IGSF3: variants seen among roughly 807,000 people sequenced by gnomAD.
The protein encoded by IGSF3 is immunoglobulin superfamily member 3, also known as glu-Trp-Ile EWI motif-containing protein 3.
IGSF3 carries 23 observed loss-of-function variants against 114.4 expected under a neutral mutation model. The observed-to-expected ratio is 0.20, with a 90% CI of 0.14 to 0.28. The LOEUF is 0.28. Among genes scored for constraint, IGSF3 ranks in the 10% least tolerant of loss-of-function variants. The pLI is 1.00. For missense variants in IGSF3, 1,172 were observed against 1,591.5 expected, an observed-to-expected ratio of 0.74 and a Z score of 4.48; for synonymous variants, 571 against 645.2, an observed-to-expected ratio of 0.88 and a Z score of 1.74.
Position 116,584,650 on chromosome 1 carries a change from C to G in IGSF3, c.2843G>C (p.Arg948Pro). The change falls in exon 9 of 11, where the codon CGA (arginine) becomes CCA (proline). Residue 948 changes from arginine to proline, a missense_variant. Arg to Pro is a moderately radical substitution (Grantham distance 103, BLOSUM62 -2). This residue lies in a region of IGSF3 where 423 missense variants were observed against 509.8 expected (regional missense o/e 0.83). Coordinates refer to ENST00000369486, the MANE Select transcript of IGSF3 (RefSeq NM_001007237.3). This position sits in a 1 kb window ranked among gnomAD's most constrained non-coding sequence, Gnocchi z 5.8. ...TAGQTALTVM[R>P]PDASLQVDTV... ...TTGGGGACGTGGACCCTCACCTGGT[C>G]GCATGACTGTCAGAGCTGTCTGCCC... 6.2e-7 allele frequency: 1 copy of G among 1,614,164 alleles called. No individual in the cohort carries two copies. Among genetic ancestry groups the G allele is most frequent in the Non-Finnish European group, 8.5e-7 (1 of 1,179,998 alleles).
chr1:116,610,699 C>T lies in IGSF3; in HGVS notation c.833-2368G>A, dbSNP rs2101479614. ...CCACTCTGTTCCACTCTCTCACCTG[C>T]TTCTCTGGTCACCTCTTACTGCTGC... On this transcript the variant is annotated intron_variant, in intron 4 of 10. Transcript: ENST00000369486. This position sits in a 1 kb window ranked among gnomAD's most constrained non-coding sequence, Gnocchi z 4.3. Among the ~76,000 whole-genome samples the T allele has an allele frequency of 6.6e-6, 1 of 152,266 alleles. No homozygotes were observed. Among genetic ancestry groups the T allele is most frequent in the Non-Finnish European group, 1.5e-5 (1 of 68,030 alleles).
rs572095247 is a variant in IGSF3, at chr1:116,627,560, G to A, written c.44-11103C>T. Among the ~76,000 whole-genome samples, 7 of 152,342 alleles carry A rather than the reference G, an allele frequency of 4.6e-5. No homozygotes were observed. Among genetic ancestry groups the A allele is most frequent in the Admixed American group, 2.6e-4 (4 of 15,304 alleles). ...CTCAATGCTCTCACAGCTTCAGGAA[G>A]AGGACTGCTAAGCCCAGGGCCCTGC... On this transcript the variant is annotated intron_variant, in intron 2 of 10. Coordinates refer to ENST00000369486, the MANE Select transcript of IGSF3 (RefSeq NM_001007237.3). This position sits in a 1 kb window ranked among gnomAD's most constrained non-coding sequence, Gnocchi z 4.7.
intron 2 of IGSF3, among the ~76,000 whole-genome samples, chr1:116,646,290 G>A (rs536897222): frequency 7.9e-5 from 12 of 152,266 alleles, no homozygotes; most frequent in East Asian, 5.8e-4. Context: ...TCTTTTGTCC[G>A]GCTTCTGGTG....
rs549345860 is a variant in IGSF3, at chr1:116,575,397, C to G, written c.*1915G>C. 6.5e-6 allele frequency: 1 copy of G among 152,740 alleles called. No individual in the cohort carries two copies. Among genetic ancestry groups the G allele is most frequent in the African/African-American group, 2.4e-5 (1 of 41,452 alleles). The allele number at this position is 152,740 out of a possible 1,614,324, so 9.5% of individuals were successfully genotyped here. A position where few individuals can be genotyped will look rare whatever the true frequency, so the allele number is the denominator to read the frequency against. ...GGGGAGAAAAGGCAGGTCTGTGTGTCTGTCAGAAAATGGCTGAGCAATCGC... is the reference window on the plus strand; with the variant it reads ...GGGGAGAAAAGGCAGGTCTGTGTGTGTGTCAGAAAATGGCTGAGCAATCGC... On this transcript the variant is annotated 3_prime_UTR_variant, in exon 11 of 11. Transcript: ENST00000369486. This position sits in a 1 kb window ranked among gnomAD's most constrained non-coding sequence, Gnocchi z 5.6.
chr1:116,613,193 C>T (rs1661089644), intron 4 of IGSF3, among the ~76,000 whole-genome samples: 1 of 152,178 alleles, frequency 6.6e-6, no homozygotes, highest in African/African-American at 2.4e-5. Context: ...CACAGAACGT[C>T]TGGGGGATGG....
At chr1:116,606,439 A>G in intron 5 of IGSF3, 1 of 1,611,914 alleles carries the variant, frequency 6.2e-7, no homozygotes, top group Admixed American at 1.7e-5. Context: ...ATTAAAATCC[A>G]AGGCATTGTC....
intron 2 of IGSF3, among the ~76,000 whole-genome samples, chr1:116,643,594 C>A (rs899569381): frequency 6.6e-6 from 1 of 152,252 alleles, no homozygotes; most frequent in Non-Finnish European, 1.5e-5. Context: ...CCGTGAGGTC[C>A]TCCTGGGGAT....
chr1:116,639,654 A>C (rs1647993650), intron 2 of IGSF3, among the ~76,000 whole-genome samples: 1 of 152,282 alleles, frequency 6.6e-6, no homozygotes, highest in Non-Finnish European at 1.5e-5. Flanking sequence ...TCAAAGCATT[A>C]GAGCTTCATT....
At chr1:116,641,830 T>A (rs1320571476) in intron 2 of IGSF3, among the ~76,000 whole-genome samples, 1 of 151,934 alleles carries the variant, frequency 6.6e-6, no homozygotes, top group Non-Finnish European at 1.5e-5. Context: ...TAGCACCTAA[T>A]AAAGTGTTAT....
chr1:116,628,575 C>T lies in IGSF3; in HGVS notation c.44-12118G>A, dbSNP rs1160241833. Reference sequence around the variant, plus strand: ...TGAAGGGCCCCCAAACCATTCCCCACCAAGAGTGTGGGTGGCAGGCACCCT... The same window carrying T: ...TGAAGGGCCCCCAAACCATTCCCCATCAAGAGTGTGGGTGGCAGGCACCCT... On this transcript the variant is annotated intron_variant, in intron 2 of 10. Coordinates refer to ENST00000369486, the MANE Select transcript of IGSF3 (RefSeq NM_001007237.3). This position sits in a 1 kb window ranked among gnomAD's most constrained non-coding sequence, Gnocchi z 4.2. Among the ~76,000 whole-genome samples the T allele has an allele frequency of 1.3e-5, 2 of 152,158 alleles. No individual in the cohort carries two copies. The highest frequency in any genetic ancestry group is 2.9e-5 in the Non-Finnish European group (2 of 68,026).
At chr1:116,613,738 C>A in intron 4 of IGSF3, 27 bp downstream of exon 4, 1 of 1,598,974 alleles carries the variant, frequency 6.3e-7, no homozygotes, top group South Asian at 1.1e-5. Context: ...AAGTAAAGGA[C>A]AGGACAAGAG....
Position 116,666,540 on chromosome 1 carries a change from C to T in IGSF3, c.-214G>A. On this transcript the variant is annotated 5_prime_UTR_variant, in exon 2 of 11. Coordinates refer to ENST00000369486, the MANE Select transcript of IGSF3 (RefSeq NM_001007237.3). ...CAAGTGTGAAAACTCCCCTATGCTA[C>T]AGGAAGGGTCCACAACAATTCGGAA... 1.6e-6 allele frequency: 1 copy of T among 613,834 alleles called. No individual in the cohort carries two copies. Among genetic ancestry groups the T allele is most frequent in the Non-Finnish European group, 2.9e-6 (1 of 346,312 alleles). 38.0% of individuals were successfully genotyped at this position (613,834 alleles called of 1,614,324 possible). A position where few individuals can be genotyped will look rare whatever the true frequency, so the allele number is the denominator to read the frequency against.
chr1:116,643,368 G>A (rs566112997), intron 2 of IGSF3, among the ~76,000 whole-genome samples: 9 of 152,192 alleles, frequency 5.9e-5, no homozygotes, highest in Non-Finnish European at 1.2e-4. Flanking sequence ...CATTCATGCC[G>A]CAGGTCAATG....
Position 116,574,617 on chromosome 1 carries a change from G to A in IGSF3, c.*2695C>T, listed in dbSNP as rs1659261282. On this transcript the variant is annotated 3_prime_UTR_variant, in exon 11 of 11. Coordinates refer to ENST00000369486, the MANE Select transcript of IGSF3 (RefSeq NM_001007237.3). This position sits in a 1 kb window ranked among gnomAD's most constrained non-coding sequence, Gnocchi z 5.2. Reference sequence around the variant, plus strand: ...GAAAAGAATATGAAAACTTGCTACAGAAACACCCGGTGAAAGAGGGTGTGG... The same window carrying A: ...GAAAAGAATATGAAAACTTGCTACAAAAACACCCGGTGAAAGAGGGTGTGG... The A allele has an allele frequency of 6.6e-6, 1 of 152,522 alleles. No individual in the cohort carries two copies. Among genetic ancestry groups the A allele is most frequent in the Non-Finnish European group, 1.5e-5 (1 of 68,010 alleles). 9.4% of individuals were successfully genotyped at this position (152,522 alleles called of 1,614,324 possible).
intron 2 of IGSF3, among the ~76,000 whole-genome samples, chr1:116,639,071 T>C (rs1008202608): frequency 3.3e-5 from 5 of 152,230 alleles, no homozygotes; most frequent in African/African-American, 1.2e-4. Flanking sequence ...CTTGGGAGAC[T>C]GCCACAATCA....
rs987560601 is a variant in IGSF3, at chr1:116,593,267, T to C, written c.2030-4163A>G. Among the ~76,000 whole-genome samples the C allele has an allele frequency of 2.6e-5, 4 of 152,228 alleles. No homozygotes were observed. The highest frequency in any genetic ancestry group is 4.8e-5 in the African/African-American group (2 of 41,458). On this transcript the variant is annotated intron_variant, in intron 7 of 10. Coordinates refer to ENST00000369486, the MANE Select transcript of IGSF3 (RefSeq NM_001007237.3). This position sits in a 1 kb window ranked among gnomAD's most constrained non-coding sequence, Gnocchi z 4.5. ...GCCCTCCAATTGATTCTGATGCACATTCAAGTTTGAGAAGCAACAGCCGTG... is the reference window on the plus strand; with the variant it reads ...GCCCTCCAATTGATTCTGATGCACACTCAAGTTTGAGAAGCAACAGCCGTG...
rs1296445058 is a variant in IGSF3 at position 116,579,016 on chromosome 1, C to T, written c.3334+376G>A. On this transcript the variant is annotated intron_variant, in intron 10 of 10. Transcript: ENST00000369486. The surrounding 1 kb of genome is among the most constrained non-coding windows in gnomAD (Gnocchi z 6.4). ...AGGTAGTCAGCCTTCATTTTTTTCC[C>T]TTTCCCTTGTGAGTCTGAAACGCTT... Among the ~76,000 whole-genome samples, 1 of 152,164 alleles carries T rather than the reference C, an allele frequency of 6.6e-6. No individual in the cohort carries two copies. The highest frequency in any genetic ancestry group is 1.5e-5 in the Non-Finnish European group (1 of 68,030).
chr1:116,601,900 T>G (rs2101438523), intron 6 of IGSF3, among the ~76,000 whole-genome samples: 2 of 152,044 alleles, frequency 1.3e-5, no homozygotes, highest in Middle Eastern at 6.8e-3. Context: ...GGAGAGAGCT[T>G]CCCCAAGCAA....
rs1232250448 is a variant in IGSF3, at chr1:116,667,673, G to A, written c.-686C>T. 1.3e-5 allele frequency: 2 copies of A among 151,590 alleles called. No individual in the cohort carries two copies. The highest frequency in any genetic ancestry group is 3.9e-4 in the East Asian group (2 of 5,132). 9.4% of individuals were successfully genotyped at this position (151,590 alleles called of 1,614,324 possible). Reference sequence around the variant, plus strand: ...TCGGACCGTCCTTCAGTCCATCCAGGCGCACGCCTCAGGGGACGCGCCGCT... The same window carrying A: ...TCGGACCGTCCTTCAGTCCATCCAGACGCACGCCTCAGGGGACGCGCCGCT... On this transcript the variant is annotated 5_prime_UTR_variant, in exon 1 of 11. Coordinates refer to ENST00000369486, the MANE Select transcript of IGSF3 (RefSeq NM_001007237.3).
Sources: gnomAD v4.1 joint callset for allele counts (sites outside exome capture counted in the v4.1 genomes callset) on GRCh38, gnomAD v4.1.1 for gene constraint, gnomAD v4.1.1 regional missense constraint, Gnocchi (gnomAD v3.1) non-coding constraint, MANE v1.5 for transcripts, NCBI Gene and HGNC (gene_info 2026-07-23, HGNC 2026-07-21) for gene names.